PCDHA11: variants seen among roughly 807,000 people sequenced by gnomAD.
PCDHA11 encodes protocadherin alpha-11.
Under a neutral mutation model 70.3 loss-of-function variants are expected in PCDHA11, and 61 were observed. That is an observed-to-expected ratio of 0.87 (90% CI 0.71 to 1.07). The LOEUF (loss-of-function observed/expected upper bound fraction) is 1.07, where lower values mean the gene tolerates loss of function less well. Among genes scored for constraint, PCDHA11 ranks in the 50% least tolerant of loss-of-function variants. The probability of loss-of-function intolerance (pLI) is 0.00; values close to 1 mark genes in which losing one functional copy is unlikely to be tolerated. For missense variants in PCDHA11, 1,324 were observed against 1,237.5 expected (o/e 1.07, Z -1.05); for synonymous variants, 633 against 555.1 (o/e 1.14, Z -1.97).
chr5:141,000,361 GTCTCTCTCTCTCTCTC>G (rs148596731), intron 3 of PCDHA11, among the ~76,000 whole-genome samples: 6 of 26,448 alleles, frequency 2.3e-4, no homozygotes, highest in African/African-American at 1.2e-3. Context: ...GTCTCTCTCT[GTCTCTCTCTCTCTCTC>G]TCTCTCTCTC....
intron 2 of PCDHA11, among the ~76,000 whole-genome samples, chr5:140,979,979 T>C (rs1007546118): frequency 6.6e-6 from 1 of 152,194 alleles, no homozygotes; most frequent in African/African-American, 2.4e-5. Flanking sequence ...ATGCATTAGA[T>C]TGAAATAAAT....
intron 1 of PCDHA11, among the ~76,000 whole-genome samples, chr5:140,891,067 C>G (rs2062935872): frequency 6.6e-6 from 1 of 152,096 alleles, no homozygotes; most frequent in Admixed American, 6.6e-5. Flanking sequence ...AAATATTATT[C>G]CAGTGTCTAC....
chr5:140,930,411 A>C (rs1554207797), intron 1 of PCDHA11: 2 of 149,218 alleles, frequency 1.3e-5, no homozygotes, highest in African/African-American at 2.5e-5. Context: ...TTTTTGAGAC[A>C]GGGGTCTCAC....
At position 140,928,189 on chromosome 5, in the gene PCDHA11, G is replaced by GTGA. The variant is rs1321549982; in HGVS notation, c.2392-50758_2392-50757insATG. On this transcript the variant is annotated intron_variant, in intron 1 of 3. Transcript: ENST00000398640. The stretch of plus-strand genomic sequence containing the variant: ...ACTTAGCACCCGAAGGACAATCACT[G>GTGA]TGTCAGTTGCTGATGTGAATGACAA... 5 of 1,614,096 alleles carry GTGA rather than the reference G, an allele frequency of 3.1e-6. No homozygotes were observed. In the East Asian group the frequency reaches 8.9e-5, roughly 29 times the overall value.
chr5:140,941,241 T>TTCTTTCTTTCTTTCTTTCTTTCTC (rs1585048929), intron 1 of PCDHA11, among the ~76,000 whole-genome samples: 1 of 140,458 alleles, frequency 7.1e-6, no homozygotes, highest in East Asian at 2.0e-4. Flanking sequence ...CTTTCTTTCT[T>TTCTTTCTTTCTTTCTTTCTTTCTC]TCTTTCTTTC....
intron 3 of PCDHA11, 48 bp from the exon 4 acceptor site, chr5:141,009,579 A>T: frequency 6.3e-7 from 1 of 1,586,202 alleles, no homozygotes; most frequent in Non-Finnish European, 8.6e-7. Context: ...TGTGGCATCA[A>T]GAGCATGTGT....
chr5:140,999,628 G>C (rs1169273057), intron 3 of PCDHA11, among the ~76,000 whole-genome samples: 2 of 152,182 alleles, frequency 1.3e-5, no homozygotes, highest in Admixed American at 1.3e-4. Context: ...AGGAAACAAG[G>C]TAGAGAAAAC....
At chr5:140,879,805 A>T (rs992856039) in intron 1 of PCDHA11, among the ~76,000 whole-genome samples, 2 of 152,128 alleles carry the variant, frequency 1.3e-5, no homozygotes, top group Non-Finnish European at 1.5e-5. Context: ...TCCAGTTTCT[A>T]TTGGCTGTTG....
At chr5:140,906,993 C>T (rs1361320380) in intron 1 of PCDHA11, among the ~76,000 whole-genome samples, 1 of 152,146 alleles carries the variant, frequency 6.6e-6, no homozygotes, top group African/African-American at 2.4e-5. Flanking sequence ...CAGCATTCCT[C>T]CCTCTGGAAC....
intron 1 of PCDHA11, among the ~76,000 whole-genome samples, chr5:140,933,742 A>G (rs1242551337): frequency 6.6e-6 from 1 of 152,068 alleles, no homozygotes; most frequent in Non-Finnish European, 1.5e-5. Context: ...AATATTTGGT[A>G]GAATTCACTA....
chr5:140,869,224 C>T lies in PCDHA11; in HGVS notation c.121C>T (p.His41Tyr). 6.2e-7 allele frequency: 1 copy of T among 1,613,836 alleles called. No individual in the cohort carries two copies. The highest frequency in any genetic ancestry group is 1.1e-5 in the South Asian group (1 of 91,066). ...CTACTCCGTCTCGGAGGAGGCCAAA[C>T]ACGGCACCTTCGTGGGCCGCATCGC... ...LHYSVSEEAK[H>Y]GTFVGRIAQD... is the part of the protein sequence containing the mutation. The change falls in exon 1 of 4, where the codon CAC becomes TAC. Residue 41 changes from histidine (H) to tyrosine (Y), a missense_variant. By Grantham distance (83) the His-to-Tyr change is moderately conservative (BLOSUM62 2). Coordinates refer to ENST00000398640, the MANE Select transcript of PCDHA11 (RefSeq NM_018902.5).
chr5:140,997,133 C>A (rs1554255761), intron 3 of PCDHA11, among the ~76,000 whole-genome samples: 3 of 152,090 alleles, frequency 2.0e-5, no homozygotes, highest in Non-Finnish European at 4.4e-5. Flanking sequence ...ACAATGCCCC[C>A]ACACCCCCGC....
At position 140,869,469 on chromosome 5, in the gene PCDHA11, G is replaced by C. The variant is rs781981842; in HGVS notation, c.366G>C (p.Glu122Asp). Residue 122 changes from glutamate to aspartate, a missense_variant, in exon 1 of 4, where the codon GAG becomes GAC. Coordinates refer to ENST00000398640, the MANE Select transcript of PCDHA11 (RefSeq NM_018902.5). ...TGCAGGTTTTCCATGTGAACGTGGAGGTGAAGGACATTAACGACAACCCGC... is the reference window on the plus strand; with the variant it reads ...TGCAGGTTTTCCATGTGAACGTGGACGTGAAGGACATTAACGACAACCCGC... ...RPLQVFHVNV[E>D]VKDINDNPPV... is the part of the protein sequence containing the mutation. 6.2e-6 allele frequency: 10 copies of C among 1,614,092 alleles called. No homozygotes were observed. Among genetic ancestry groups the C allele is most frequent in the Admixed American group, 1.7e-5 (1 of 60,002 alleles).
intron 3 of PCDHA11, among the ~76,000 whole-genome samples, chr5:141,002,612 C>G (rs1487847560): frequency 1.3e-5 from 2 of 152,178 alleles, no homozygotes; most frequent in Non-Finnish European, 2.9e-5. Context: ...AAAACAGACA[C>G]ATAACACAGA....
chr5:140,986,545 G>T (rs1554248133), intron 3 of PCDHA11, among the ~76,000 whole-genome samples: 1 of 152,172 alleles, frequency 6.6e-6, no homozygotes, highest in East Asian at 1.9e-4. Context: ...GCTTCAGTGG[G>T]CCAGGCTGCT....
At chr5:140,966,469 C>G (rs1308389710) in intron 1 of PCDHA11, 1 of 432,506 alleles carries the variant, frequency 2.3e-6, no homozygotes, top group African/African-American at 2.0e-5. Context: ...GTCTTCCCTT[C>G]TGTTTCCTTT....
rs35680913 is a variant in PCDHA11 at position 140,961,887 on chromosome 5, GT to G, written c.2392-17048del. Among the ~76,000 whole-genome samples, 881 of 143,912 alleles carry G rather than the reference GT, an allele frequency of 6.1e-3. 6 individuals carry two copies. The highest frequency in any genetic ancestry group is 0.018 in the African/African-American group (705 of 39,388). The allele number at this position is 143,912 out of a possible 152,430, so 94.4% of individuals were successfully genotyped here. ...ACAGATAATTGACTTACTTACATCA[GT>G]TTTTTTTTTTTTTGAGATGGAGTCT... On this transcript the variant is annotated intron_variant, in intron 1 of 3. Coordinates refer to ENST00000398640, the MANE Select transcript of PCDHA11 (RefSeq NM_018902.5).
intron 1 of PCDHA11, among the ~76,000 whole-genome samples, chr5:140,886,068 GC>G (rs1462692271): frequency 5.3e-5 from 8 of 152,098 alleles, no homozygotes; most frequent in African/African-American, 9.7e-5. Context: ...AAAGCGTAGG[GC>G]CATACCACAA....
In PCDHA11 at chr5:140,972,940, A is replaced by G. The variant is rs148421479; in HGVS notation, c.2392-6009A>G. The stretch of plus-strand genomic sequence containing the variant: ...GCCTCCCAAAGTGCTGGGATTACAG[A>G]TGTGAGCCACCATGCCCGGCAAAGG... On this transcript the variant is annotated intron_variant, in intron 1 of 3. Coordinates refer to ENST00000398640, the MANE Select transcript of PCDHA11 (RefSeq NM_018902.5). Among the ~76,000 whole-genome samples the G allele has an allele frequency of 9.4e-3, 1,423 of 152,078 alleles. 26 individuals are homozygous for G. The highest frequency in any genetic ancestry group is 0.032 in the African/African-American group (1,334 of 41,472).
Sources: gnomAD v4.1 joint callset for allele counts (sites outside exome capture counted in the v4.1 genomes callset) on GRCh38, gnomAD v4.1.1 for gene constraint, MANE v1.5 for transcripts, NCBI Gene and HGNC (gene_info 2026-07-23, HGNC 2026-07-21) for gene names.